Variants in AFF3 observed in about 807,000 individuals in gnomAD.
AFF3 encodes AF4/FMR2 family member 3.
A neutral mutation model predicts 129.7 loss-of-function variants in AFF3; 32 were observed. The ratio of observed to expected loss-of-function variants is 0.25; its 90% CI spans 0.19 to 0.33. The LOEUF (loss-of-function observed/expected upper bound fraction) is 0.33. Ranked by LOEUF, AFF3 falls within the 10% of genes least tolerant of loss-of-function variation. The pLI is 1.00. For missense variants in AFF3, 1,373 were observed against 1,592.0 expected, an observed-to-expected ratio of 0.86 and a Z score of 2.34; for synonymous variants, 644 against 635.4, an observed-to-expected ratio of 1.01 and a Z score of -0.20.
At chr2:100,036,324 T>C (rs1472432571) in intron 4 of AFF3, among the ~76,000 whole-genome samples, 2 of 152,016 alleles carry the variant, frequency 1.3e-5, no homozygotes, top group Non-Finnish European at 2.9e-5. Context: ...CACCCATTAG[T>C]ATCCTACCAA....
chr2:99,910,725 G>A (rs902611297), intron 7 of AFF3, among the ~76,000 whole-genome samples: 1 of 152,186 alleles, frequency 6.6e-6, no homozygotes, highest in African/African-American at 2.4e-5. Flanking sequence ...CCTGTCTACA[G>A]GCTACTTTTA....
chr2:99,661,690 T>G (rs538006999), intron 12 of AFF3, among the ~76,000 whole-genome samples: 32 of 152,232 alleles, frequency 2.1e-4, no homozygotes, highest in Admixed American at 4.6e-4. Context: ...CATTTCAATT[T>G]TGGAAATTAT....
intron 1 of AFF3, among the ~76,000 whole-genome samples, chr2:100,133,062 G>A (rs1692490032): frequency 1.3e-5 from 2 of 151,620 alleles, no homozygotes; most frequent in South Asian, 4.2e-4. Context: ...CCAACAGCTG[G>A]GATTACAGGC....
At chr2:100,045,338 G>C (rs1315869413) in intron 4 of AFF3, among the ~76,000 whole-genome samples, 1 of 152,142 alleles carries the variant, frequency 6.6e-6, no homozygotes, top group Non-Finnish European at 1.5e-5. Flanking sequence ...CCTCTAAGAG[G>C]CACAGAAAAC....
intron 10 of AFF3, among the ~76,000 whole-genome samples, chr2:99,743,809 TC>T (rs1399264032): frequency 6.6e-6 from 1 of 152,192 alleles, no homozygotes; most frequent in South Asian, 2.1e-4. Context: ...AGTTTTTTTC[TC>T]CCTCCACATA....
intron 7 of AFF3, among the ~76,000 whole-genome samples, chr2:100,000,170 A>G (rs1461190909): frequency 2.0e-5 from 3 of 152,206 alleles, no homozygotes; most frequent in African/African-American, 7.2e-5. Flanking sequence ...GATCTGTCTC[A>G]ACAAGTCATT....
At chr2:99,847,305 A>T (rs1689801891) in intron 7 of AFF3, among the ~76,000 whole-genome samples, 1 of 151,802 alleles carries the variant, frequency 6.6e-6, no homozygotes, top group Admixed American at 6.6e-5. Flanking sequence ...CCTCCAGAGT[A>T]GCTGGGATTA....
rs149354007 is a variant in AFF3, at chr2:99,735,386, T to G, written c.1040-8258A>C. 4.5e-3 allele frequency among the ~76,000 whole-genome samples: 668 copies of G among 146,832 alleles called. 3 individuals carry two copies. Among genetic ancestry groups the G allele is most frequent in the African/African-American group, 0.016 (633 of 39,016 alleles). On this transcript the variant is annotated intron_variant, in intron 10 of 24. Coordinates refer to ENST00000672756, the MANE Select transcript of AFF3 (RefSeq NM_001386135.1). ...GCTATTTTATTAATTTCTGCTTTTG[T>G]TTTTTTTTTGTAAATCTCTTTTCCA...
chr2:100,019,792 C>T (rs1247498063), intron 4 of AFF3, among the ~76,000 whole-genome samples: 1 of 152,064 alleles, frequency 6.6e-6, no homozygotes, highest in Non-Finnish European at 1.5e-5. Context: ...TCCAACCTTC[C>T]CTCACCTCAG....
intron 1 of AFF3, among the ~76,000 whole-genome samples, chr2:100,133,073 A>G (rs1559139767): frequency 6.6e-6 from 1 of 151,710 alleles, no homozygotes; most frequent in Admixed American, 6.6e-5. Flanking sequence ...GATTACAGGC[A>G]TGCACTACCA....
chr2:100,131,233 T>C (rs971387255), intron 1 of AFF3, among the ~76,000 whole-genome samples: 6 of 152,134 alleles, frequency 3.9e-5, no homozygotes, highest in African/African-American at 1.2e-4. Flanking sequence ...TGAATGAGTA[T>C]GATTTTCAGG....
At chr2:99,785,709 A>G (rs1191699888) in intron 8 of AFF3, among the ~76,000 whole-genome samples, 1 of 152,196 alleles carries the variant, frequency 6.6e-6, no homozygotes, top group African/African-American at 2.4e-5. Context: ...TACACTCAAG[A>G]AATTCTGAGA....
chr2:100,106,267 T>C (rs2105511701), intron 2 of AFF3: 1 of 1,175,360 alleles, frequency 8.5e-7, no homozygotes, highest in Admixed American at 3.7e-5. Flanking sequence ...AAAATGAAAT[T>C]GTTATTTTAC....
intron 8 of AFF3, among the ~76,000 whole-genome samples, chr2:99,762,203 C>A (rs1682673851): frequency 1.3e-5 from 2 of 151,578 alleles, no homozygotes; most frequent in Non-Finnish European, 2.9e-5. Flanking sequence ...CAGCTCACTG[C>A]AACCTCTGCC....
At chr2:100,049,715 C>T (rs998524544) in intron 4 of AFF3, among the ~76,000 whole-genome samples, 1 of 152,184 alleles carries the variant, frequency 6.6e-6, no homozygotes, top group Non-Finnish European at 1.5e-5. Flanking sequence ...ATTCGCCCAT[C>T]TCCATGACAC....
intron 4 of AFF3, among the ~76,000 whole-genome samples, chr2:100,068,766 C>T (rs2105286093): frequency 6.6e-6 from 1 of 152,198 alleles, no homozygotes; most frequent in South Asian, 2.1e-4. Flanking sequence ...GGAAATCCCA[C>T]ATTAGTAAAG....
chr2:99,792,388 C>G (rs1685256900), intron 8 of AFF3, among the ~76,000 whole-genome samples: 1 of 152,112 alleles, frequency 6.6e-6, no homozygotes, highest in Admixed American at 6.5e-5. Context: ...GGGAGGATCT[C>G]CTGAGCCCAG....
intron 8 of AFF3, among the ~76,000 whole-genome samples, chr2:99,834,621 T>C (rs1400812162): frequency 2.6e-5 from 4 of 152,206 alleles, no homozygotes; most frequent in Non-Finnish European, 5.9e-5. Context: ...CCAGCAACGT[T>C]TCTGTGGTCT....
chr2:99,829,943 T>C (rs1316216292), intron 8 of AFF3, among the ~76,000 whole-genome samples: 4 of 152,232 alleles, frequency 2.6e-5, no homozygotes, highest in Non-Finnish European at 4.4e-5. Context: ...TGGAATACTA[T>C]GCAGCCATAA....
Sources: gnomAD v4.1 joint callset for allele counts (sites outside exome capture counted in the v4.1 genomes callset) on GRCh38, gnomAD v4.1.1 for gene constraint, MANE v1.5 for transcripts, NCBI Gene and HGNC (gene_info 2026-07-23, HGNC 2026-07-21) for gene names.